Variants in LPCAT2 observed in about 807,000 individuals in gnomAD.
The protein encoded by LPCAT2 is 1-AGP acyltransferase 11.
LPCAT2 carries 58 observed loss-of-function variants against 64.7 expected under a neutral mutation model. That is an observed-to-expected ratio of 0.90 (90% CI 0.73 to 1.12). LPCAT2 has a LOEUF of 1.12. Ranked by LOEUF, LPCAT2 falls within the 50% of genes most tolerant of loss-of-function variation. The pLI, the probability that LPCAT2 is intolerant of heterozygous loss-of-function variation, is 0.00. For synonymous variants in LPCAT2, 252 were observed against 245.3 expected, an observed-to-expected ratio of 1.03 and a Z score of -0.26; for missense variants, 579 against 669.8, an observed-to-expected ratio of 0.86 and a Z score of 1.50.
intron 11 of LPCAT2, among the ~76,000 whole-genome samples, chr16:55,562,755 T>C (rs1375328984): frequency 2.0e-5 from 3 of 151,866 alleles, no homozygotes; most frequent in African/African-American, 7.2e-5. Context: ...ATTATTATTA[T>C]CATTTTGTAG....
chr16:55,546,475 G>T (rs1247533498), intron 9 of LPCAT2, among the ~76,000 whole-genome samples: 1 of 152,062 alleles, frequency 6.6e-6, no homozygotes, highest in African/African-American at 2.4e-5. Context: ...TAGTAGGTTT[G>T]GAGCTAATAG....
At chr16:55,547,940 G>A (rs576903355) in intron 9 of LPCAT2, among the ~76,000 whole-genome samples, 2 of 151,998 alleles carry the variant, frequency 1.3e-5, no homozygotes, top group Non-Finnish European at 2.9e-5. Context: ...GCTAATTTTT[G>A]TATTTTTAGT....
chr16:55,514,859 A>G (rs1213570286), intron 1 of LPCAT2, among the ~76,000 whole-genome samples: 2 of 151,600 alleles, frequency 1.3e-5, no homozygotes, highest in East Asian at 3.9e-4. Context: ...GGGTATCACC[A>G]AATGGAGAAT....
chr16:55,530,503 T>A (rs916187363), intron 4 of LPCAT2, among the ~76,000 whole-genome samples: 8 of 142,368 alleles, frequency 5.6e-5, no homozygotes, highest in African/African-American at 1.8e-4. Context: ...GGGGGGGGGG[T>A]AACATTTACT....
rs1963919802 is a variant in LPCAT2 at position 55,584,204 on chromosome 16, G to T, written c.*1106G>T. On this transcript the variant is annotated 3_prime_UTR_variant, in exon 14 of 14. Transcript: ENST00000262134. ...AGAATGTAGCACTTGCCCTATAAAT[G>T]AATCAGATTTGTTCTATTTATATAA... 1 of 152,112 alleles carries T rather than the reference G, an allele frequency of 6.6e-6. No individual in the cohort carries two copies. Among genetic ancestry groups the T allele is most frequent in the Non-Finnish European group, 1.5e-5 (1 of 68,024 alleles). The allele number at this position is 152,112 out of a possible 1,614,324, so 9.4% of individuals were successfully genotyped here. A position where few individuals can be genotyped will look rare whatever the true frequency, so the allele number is the denominator to read the frequency against.
At chr16:55,554,381 T>C (rs1963551734) in intron 11 of LPCAT2, among the ~76,000 whole-genome samples, 1 of 152,196 alleles carries the variant, frequency 6.6e-6, no homozygotes, top group Non-Finnish European at 1.5e-5. Context: ...TGCCATACCT[T>C]GCACTTTTAT....
At chr16:55,545,932 A>C in intron 9 of LPCAT2, 115 bp downstream of exon 9, 2 of 678,444 alleles carry the variant, frequency 2.9e-6, no homozygotes, top group Non-Finnish European at 5.1e-6. Context: ...TCCCCAATTC[A>C]TTTTGATACG....
Position 55,567,603 on chromosome 16 carries a change from C to G in LPCAT2, c.1216-7028C>G, listed in dbSNP as rs540410160. On this transcript the variant is annotated intron_variant, in intron 11 of 13. Transcript: ENST00000262134. ...ATACCCTGTGCAACAGCTCTCATTT[C>G]CTGGCAAGCTCTTTCACAACCCTAC... 60 of 1,202,190 alleles carry G rather than the reference C, an allele frequency of 5.0e-5. No homozygotes were observed. In the African/African-American group the frequency reaches 8.7e-4, roughly 17 times the overall value. 74.5% of individuals were successfully genotyped at this position (1,202,190 alleles called of 1,614,324 possible).
intron 11 of LPCAT2, among the ~76,000 whole-genome samples, chr16:55,559,130 C>T (rs529399725): frequency 2.6e-5 from 4 of 152,272 alleles, no homozygotes; most frequent in African/African-American, 9.6e-5. Context: ...CTCACTTTCT[C>T]TTTTTACCAA....
chr16:55,537,391 C>CAA (rs527990765), intron 7 of LPCAT2, among the ~76,000 whole-genome samples, 187 bp from the exon 8 acceptor site: 2 of 144,156 alleles, frequency 1.4e-5, no homozygotes, highest in Non-Finnish European at 1.5e-5. Flanking sequence ...ACCCTGTCCC[C>CAA]AAAAAAAAAA....
intron 4 of LPCAT2, among the ~76,000 whole-genome samples, chr16:55,530,420 A>T (rs1963236356): frequency 6.6e-6 from 1 of 151,816 alleles, no homozygotes; most frequent in African/African-American, 2.4e-5. Context: ...TTCAAGGGGC[A>T]TATCAAAATC....
intron 10 of LPCAT2, among the ~76,000 whole-genome samples, 182 bp downstream of exon 10, chr16:55,549,584 G>C (rs1419389390): frequency 6.6e-6 from 1 of 152,162 alleles, no homozygotes; most frequent in East Asian, 1.9e-4. Flanking sequence ...TTCAAGAACA[G>C]TTAACTCAGA....
chr16:55,515,000 A>C (rs181984544), intron 1 of LPCAT2, among the ~76,000 whole-genome samples: 1 of 151,956 alleles, frequency 6.6e-6, no homozygotes, highest in East Asian at 1.9e-4. Context: ...AAACAGGTCA[A>C]CTGAGATTAT....
intron 1 of LPCAT2, among the ~76,000 whole-genome samples, chr16:55,525,189 G>A (rs2142396992): frequency 6.6e-6 from 1 of 152,130 alleles, no homozygotes; most frequent in East Asian, 1.9e-4. Flanking sequence ...ACTCCTCCAG[G>A]AAGCTTTCCC....
intron 11 of LPCAT2, among the ~76,000 whole-genome samples, chr16:55,568,575 A>G (rs865962015): frequency 3.3e-5 from 5 of 152,306 alleles, no homozygotes; most frequent in Middle Eastern, 3.4e-3. Flanking sequence ...TGAGTCTCCA[A>G]ATATGTTAAA....
chr16:55,523,645 T>C (rs1270651443), intron 1 of LPCAT2, among the ~76,000 whole-genome samples: 1 of 151,748 alleles, frequency 6.6e-6, no homozygotes, highest in Non-Finnish European at 1.5e-5. Flanking sequence ...CTCTCAAAAA[T>C]ATGAAGTGAT....
chr16:55,584,235 GAATT>G lies in LPCAT2; in HGVS notation c.*1141_*1144del, dbSNP rs1182953030. 6 of 152,060 alleles carry G rather than the reference GAATT, an allele frequency of 3.9e-5. No individual in the cohort carries two copies. The highest frequency in any genetic ancestry group is 6.6e-5 in the Admixed American group (1 of 15,266). 9.4% of individuals were successfully genotyped at this position (152,060 alleles called of 1,614,324 possible). A position where few individuals can be genotyped will look rare whatever the true frequency, so the allele number is the denominator to read the frequency against. On this transcript the variant is annotated 3_prime_UTR_variant, in exon 14 of 14. Coordinates refer to ENST00000262134, the MANE Select transcript of LPCAT2 (RefSeq NM_017839.5). ...GATTTGTTCTATTTATATAATATTA[GAATT>G]AATATATTATCATGTAAGTGGGAAT...
At chr16:55,538,952 T>C (rs1215527035) in intron 8 of LPCAT2, 2 of 152,172 alleles carry the variant, frequency 1.3e-5, no homozygotes, top group African/African-American at 4.8e-5. Flanking sequence ...CTGCTCTTGC[T>C]TCTTTAATAG....
Position 55,509,138 on chromosome 16 carries a change from G to T in LPCAT2, c.-44G>T, listed in dbSNP as rs150333127. On this transcript the variant is annotated 5_prime_UTR_variant, in exon 1 of 14. Transcript: ENST00000262134. ...TCTTCGGCTCAGTTTTGGCTGCAGCGCCCGCGTAGATCGCTTCGGCCGGGT... is the reference window on the plus strand; with the variant it reads ...TCTTCGGCTCAGTTTTGGCTGCAGCTCCCGCGTAGATCGCTTCGGCCGGGT... 3,026 of 1,299,060 alleles carry T rather than the reference G, an allele frequency of 2.3e-3. 69 individuals are homozygous for T. In the South Asian group the frequency reaches 0.044, roughly 19 times the overall value. The allele number at this position is 1,299,060 out of a possible 1,614,324, so 80.5% of individuals were successfully genotyped here.
Sources: allele counts gnomAD v4.1 joint callset (sites outside exome capture counted in the v4.1 genomes callset), GRCh38; gene constraint gnomAD v4.1.1; transcripts MANE v1.5; gene names NCBI Gene and HGNC (gene_info 2026-07-23, HGNC 2026-07-21).